RBFOX1: variants seen among roughly 807,000 people sequenced by gnomAD.
RBFOX1 encodes the protein RNA binding fox-1 homolog 1, also known as RNA binding protein fox-1 homolog 1.
Under a neutral mutation model 57.7 loss-of-function variants are expected in RBFOX1, and 8 were observed. The observed-to-expected ratio is 0.14, with a 90% confidence interval of 0.08 to 0.25. The LOEUF is 0.25. Among genes scored for constraint, RBFOX1 ranks in the 10% least tolerant of loss-of-function variants. The pLI, the probability that RBFOX1 is intolerant of heterozygous loss-of-function variation, is 1.00. For synonymous variants in RBFOX1, 326 were observed against 222.4 expected, an observed-to-expected ratio of 1.47 and a Z score of -4.15; for missense variants, 611 against 548.5, an observed-to-expected ratio of 1.11 and a Z score of -1.14.
chr16:7,170,252 C>G lies in RBFOX1; in HGVS notation c.27+118154C>G, dbSNP rs2080418492. 2.0e-5 allele frequency among the ~76,000 whole-genome samples: 3 copies of G among 152,118 alleles called. No individual in the cohort carries two copies. The South Asian group carries it at 6.2e-4, about 32-fold the overall frequency. On this transcript the variant is annotated intron_variant, in intron 4 of 15. Transcript: ENST00000550418. ...AATAATAACAGTAACAATTTATCCTCCTGCTCCTCACCACTGTTAATTGAG... is the reference window on the plus strand; with the variant it reads ...AATAATAACAGTAACAATTTATCCTGCTGCTCCTCACCACTGTTAATTGAG...
In RBFOX1 at chr16:6,889,202, C is replaced by T. The variant is rs576958673; in HGVS notation, c.-15-162855C>T. ...AAATACTGAGTTCATTGTGAGCCAC[C>T]CCTGTCTTTGAGCCTTTCCATGAAA... On this transcript the variant is annotated intron_variant, in intron 3 of 15. Transcript: ENST00000550418. Among the ~76,000 whole-genome samples the T allele has an allele frequency of 2.0e-5, 3 of 152,254 alleles. No homozygotes were observed. In the East Asian group the frequency reaches 5.8e-4, roughly 29 times the overall value.
At chr16:7,379,482 T>C (rs1229092659) in intron 4 of RBFOX1, among the ~76,000 whole-genome samples, 4 of 152,202 alleles carry the variant, frequency 2.6e-5, no homozygotes, top group Non-Finnish European at 5.9e-5. Flanking sequence ...GCTTCTGCCA[T>C]TATGACTGTG....
At chr16:6,766,967 G>GCTGGAGC (rs1374350212) in intron 3 of RBFOX1, among the ~76,000 whole-genome samples, 3 of 152,192 alleles carry the variant, frequency 2.0e-5, no homozygotes, top group Middle Eastern at 6.8e-3. Context: ...GTCGGGGGAG[G>GCTGGAGC]CTGAAGGCTG....
intron 3 of RBFOX1, among the ~76,000 whole-genome samples, chr16:6,896,514 T>C (rs1329421101): frequency 6.6e-6 from 1 of 152,200 alleles, no homozygotes; most frequent in Non-Finnish European, 1.5e-5. Flanking sequence ...AGTGAGAATA[T>C]ATGATGTCTG....
chr16:5,938,286 G>A (rs2059207534), intron 4 of RBFOX1, among the ~76,000 whole-genome samples: 1 of 152,118 alleles, frequency 6.6e-6, no homozygotes, highest in African/African-American at 2.4e-5. Context: ...CCCATGACCT[G>A]AGCTAGACCA....
chr16:6,563,353 C>A (rs2097209945), intron 2 of RBFOX1, among the ~76,000 whole-genome samples: 1 of 152,178 alleles, frequency 6.6e-6, no homozygotes, highest in African/African-American at 2.4e-5. Context: ...ATCAATATTT[C>A]ATAGGAATCC....
chr16:5,590,719 T>C (rs188123014), intron 2 of RBFOX1, among the ~76,000 whole-genome samples: 2 of 152,068 alleles, frequency 1.3e-5, no homozygotes, highest in Admixed American at 1.3e-4. Context: ...CAGGAGGGGG[T>C]TTAATGTTCG....
intron 4 of RBFOX1, among the ~76,000 whole-genome samples, chr16:7,116,329 G>A (rs1001392612): frequency 1.3e-5 from 2 of 152,088 alleles, no homozygotes; most frequent in Admixed American, 6.6e-5. Context: ...TTGTCCTCAT[G>A]AGCAGTTCAT....
chr16:6,656,412 A>G (rs2098652211), intron 3 of RBFOX1, among the ~76,000 whole-genome samples: 1 of 152,166 alleles, frequency 6.6e-6, no homozygotes, highest in Non-Finnish European at 1.5e-5. Context: ...CAGGCAGGGT[A>G]AGCTCTGGGC....
intron 3 of RBFOX1, among the ~76,000 whole-genome samples, chr16:6,746,510 C>T (rs1431412213): frequency 6.6e-6 from 1 of 151,906 alleles, no homozygotes; most frequent in African/African-American, 2.4e-5. Context: ...AGCCTCATCT[C>T]AACAAAAAAT....
intron 3 of RBFOX1, among the ~76,000 whole-genome samples, chr16:5,849,949 GT>G (rs1412153167): frequency 6.6e-6 from 1 of 152,182 alleles, no homozygotes; most frequent in Non-Finnish European, 1.5e-5. Context: ...TTTCGGATTT[GT>G]TTTCCTTTGC....
chr16:6,865,840 C>G (rs186554923), intron 3 of RBFOX1, among the ~76,000 whole-genome samples: 133 of 152,262 alleles, frequency 8.7e-4, no homozygotes, highest in Admixed American at 2.1e-3. Context: ...ATTAACTTCT[C>G]TCTTTTTTGC....
intron 12 of RBFOX1, among the ~76,000 whole-genome samples, chr16:7,654,426 T>G (rs1356206049): frequency 2.6e-5 from 4 of 152,002 alleles, no homozygotes; most frequent in Admixed American, 6.6e-5. Flanking sequence ...AAAGAGAAAA[T>G]TAGGTGTTGA....
intron 12 of RBFOX1, among the ~76,000 whole-genome samples, chr16:7,663,171 T>C (rs2068218276): frequency 6.6e-6 from 1 of 152,188 alleles, no homozygotes; most frequent in Non-Finnish European, 1.5e-5. Context: ...AGAGGGTGGC[T>C]CTGCCTTCTG....
At chr16:7,242,861 G>C (rs1011359916) in intron 4 of RBFOX1, among the ~76,000 whole-genome samples, 2 of 152,188 alleles carry the variant, frequency 1.3e-5, no homozygotes, top group East Asian at 1.9e-4. Flanking sequence ...TGGTGAGAGA[G>C]ATATGGAGTC....
At chr16:6,504,324 C>G (rs181337713) in intron 2 of RBFOX1, among the ~76,000 whole-genome samples, 1 of 152,326 alleles carries the variant, frequency 6.6e-6, no homozygotes, top group Admixed American at 6.5e-5. Flanking sequence ...GCTTCAACTT[C>G]ACATTCCCCT....
chr16:5,975,422 G>T (rs1271845756), intron 4 of RBFOX1, among the ~76,000 whole-genome samples: 3 of 152,154 alleles, frequency 2.0e-5, no homozygotes, highest in Admixed American at 1.3e-4. Context: ...TTACTCAAAA[G>T]CTCATCTGAT....
chr16:6,463,227 G>A (rs1198821198), intron 2 of RBFOX1, among the ~76,000 whole-genome samples: 1 of 151,964 alleles, frequency 6.6e-6, no homozygotes, highest in African/African-American at 2.4e-5. Flanking sequence ...TATTTTTCCT[G>A]TAAAGGGTAG....
chr16:7,092,501 A>T (rs2061024727), intron 4 of RBFOX1, among the ~76,000 whole-genome samples: 1 of 152,246 alleles, frequency 6.6e-6, no homozygotes, highest in Non-Finnish European at 1.5e-5. Context: ...CTGTATAGAC[A>T]GTGTTCCAGC....
Sources: allele counts gnomAD v4.1 joint callset (sites outside exome capture counted in the v4.1 genomes callset), GRCh38; gene constraint gnomAD v4.1.1; transcripts MANE v1.5; gene names NCBI Gene and HGNC (gene_info 2026-07-23, HGNC 2026-07-21).